The following FSIP2 variants were observed in gnomAD, a reference collection of about 807,000 sequenced individuals.
The protein encoded by FSIP2 is fibrous sheath-interacting protein 2.
A neutral mutation model predicts 510.5 loss-of-function variants in FSIP2; 367 were observed. The observed-to-expected ratio is 0.72, with a 90% CI of 0.66 to 0.78. The LOEUF (loss-of-function observed/expected upper bound fraction) is 0.78, where lower values mean the gene tolerates loss of function less well. FSIP2 is among the 30% of genes least tolerant of loss of function. FSIP2 has a pLI of 0.00. For synonymous variants in FSIP2, 2,601 were observed against 2,732.2 expected (o/e 0.95, Z 1.50); for missense variants, 7,594 against 7,901.7 (o/e 0.96, Z 1.48).
At position 185,789,372 on chromosome 2, in the gene FSIP2, C is replaced by T. The variant is rs1430639919; in HGVS notation, c.2236C>T (p.Leu746Phe). 14 of 1,534,894 alleles carry T rather than the reference C, an allele frequency of 9.1e-6. No homozygotes were observed. Among genetic ancestry groups the T allele is most frequent in the Non-Finnish European group, 1.2e-5 (14 of 1,145,980 alleles). Residue 746 changes from leucine to phenylalanine, a missense_variant, in exon 16 of 23, where the codon CTT becomes TTT. Physicochemically the swap from Leu to Phe is conservative, Grantham distance 22. Transcript: ENST00000424728. ...EQCEREKEIL[L>F]SNAHIPSVAS... ...ATGTGAACGTGAAAAAGAAATCTTG[C>T]TTTCCAATGCTCATATTCCCTCAGT...
intron 13 of FSIP2, 198 bp downstream of exon 13, chr2:185,764,763 G>A (rs1363184882): frequency 2.4e-5 from 12 of 493,668 alleles, no homozygotes; most frequent in Non-Finnish European, 4.0e-5. Context: ...AGCAATAAAG[G>A]AAGTGGGTAT....
At chr2:185,786,332 A>G (rs1465592313) in intron 15 of FSIP2, 44 bp downstream of exon 15, 7 of 1,248,682 alleles carry the variant, frequency 5.6e-6, no homozygotes, top group African/African-American at 1.5e-5. Context: ...TATTAGTCAT[A>G]CTTTCTGATG....
rs1693477048 is a variant in FSIP2, at chr2:185,803,070, T to C, written c.13764T>C (p.His4588=). 1 of 1,514,898 alleles carries C rather than the reference T, an allele frequency of 6.6e-7. No homozygotes were observed. 93.8% of individuals were successfully genotyped at this position (1,514,898 alleles called of 1,614,324 possible). A position where few individuals can be genotyped will look rare whatever the true frequency, so the allele number is the denominator to read the frequency against. ...GFIIKHICQK[H]LQPFVSGKSL... Reference sequence around the variant, plus strand: ...TCATTAAACATATCTGTCAAAAACATCTTCAGCCATTTGTGAGTGGAAAAT... The same window carrying C: ...TCATTAAACATATCTGTCAAAAACACCTTCAGCCATTTGTGAGTGGAAAAT... Residue 4588 remains histidine, a synonymous_variant, in exon 17 of 23, where the codon CAT becomes CAC. Transcript: ENST00000424728.
intron 13 of FSIP2, among the ~76,000 whole-genome samples, chr2:185,772,411 C>T (rs374382470): frequency 3.3e-5 from 5 of 152,232 alleles, no homozygotes; most frequent in East Asian, 1.9e-4. Context: ...ATTTTTCTCA[C>T]GGTTCTGCAT....
chr2:185,773,968 T>C (rs1465548238), intron 13 of FSIP2, among the ~76,000 whole-genome samples: 4 of 152,234 alleles, frequency 2.6e-5, no homozygotes, highest in Non-Finnish European at 5.9e-5. Context: ...ACATATAATG[T>C]CAATTTTACT....
rs1234923368 is a variant in FSIP2 at position 185,808,219 on chromosome 2, G to C, written c.18913G>C (p.Glu6305Gln). 1 of 1,609,164 alleles carries C rather than the reference G, an allele frequency of 6.2e-7. No individual in the cohort carries two copies. Among genetic ancestry groups the C allele is most frequent in the Admixed American group, 1.7e-5 (1 of 59,082 alleles). Residue 6305 changes from glutamate to glutamine, a missense_variant, in exon 17 of 23, where the codon GAA becomes CAA. Coordinates refer to ENST00000424728, the MANE Select transcript of FSIP2 (RefSeq NM_173651.4). ...TGAATTTCAACCTCAAGTAGAGGAA[G>C]AAGTATCAAATTCAGAATTAGTTCT... Reference protein sequence around the residue: ...NSEFQPQVEEEVSNSELVLEA... With the variant: ...NSEFQPQVEEQVSNSELVLEA...
At chr2:185,769,519 T>C (rs1413059033) in intron 13 of FSIP2, among the ~76,000 whole-genome samples, 3 of 152,210 alleles carry the variant, frequency 2.0e-5, no homozygotes, top group African/African-American at 7.2e-5. Context: ...TGCTGAATAT[T>C]AGACTCTTGC....
intron 7 of FSIP2, among the ~76,000 whole-genome samples, chr2:185,748,271 T>A (rs1415520820): frequency 1.3e-5 from 2 of 151,880 alleles, no homozygotes; most frequent in Admixed American, 6.6e-5. Flanking sequence ...ATTTTTCTTC[T>A]TTCTTTTTTG....
chr2:185,802,184 A>C lies in FSIP2; in HGVS notation c.12878A>C (p.His4293Pro). ...GTTCTGAGTGAAGTGATAGAGTCAC[A>C]CAGACCTCAGAAGCAATCACCTTTA... ...TQVLSEVIES[H>P]RPQKQSPLDI... The change falls in exon 17 of 23, where the codon CAC (histidine) becomes CCC (proline). Residue 4293 changes from histidine to proline, a missense_variant. His to Pro is a moderately conservative substitution (Grantham distance 77). Transcript: ENST00000424728. 2.6e-6 allele frequency: 4 copies of C among 1,533,460 alleles called. No individual in the cohort carries two copies. In the Middle Eastern group the frequency reaches 6.7e-4, roughly 257 times the overall value. The allele number at this position is 1,533,460 out of a possible 1,614,324, so 95.0% of individuals were successfully genotyped here.
chr2:185,801,609 A>C lies in FSIP2; in HGVS notation c.12303A>C (p.Ile4101=). 6.5e-7 allele frequency: 1 copy of C among 1,533,192 alleles called. No homozygotes were observed. Among genetic ancestry groups the C allele is most frequent in the Non-Finnish European group, 8.7e-7 (1 of 1,145,228 alleles). 95.0% of individuals were successfully genotyped at this position (1,533,192 alleles called of 1,614,324 possible). A position where few individuals can be genotyped will look rare whatever the true frequency, so the allele number is the denominator to read the frequency against. The change falls in exon 17 of 23, where the codon ATA becomes ATC. Residue 4101 remains isoleucine, a synonymous_variant. Transcript: ENST00000424728. Reference sequence around the variant, plus strand: ...CATCTTGCTTCAAGGAACATCTCATACCCCATTCATATTACCCTCTCAAAC... The same window carrying C: ...CATCTTGCTTCAAGGAACATCTCATCCCCCATTCATATTACCCTCTCAAAC... The part of the protein sequence containing the change: ...KLPSCFKEHL[I]PHSYYPLKPE...
chr2:185,768,465 ATTC>A (rs1191038820), intron 13 of FSIP2, among the ~76,000 whole-genome samples: 1 of 152,054 alleles, frequency 6.6e-6, no homozygotes, highest in Non-Finnish European at 1.5e-5. Flanking sequence ...GTCCAATTTA[ATTC>A]TTCTGCCTGT....
upstream of FSIP2, chr2:185,738,393 TAGGA>T: frequency 1.8e-6 from 1 of 553,940 alleles, no homozygotes; most frequent in East Asian, 3.2e-5. Context: ...ATGAGCCCCT[TAGGA>T]AGCCAACGCG....
intron 13 of FSIP2, among the ~76,000 whole-genome samples, chr2:185,768,086 A>T (rs1481120779): frequency 6.6e-6 from 1 of 152,042 alleles, no homozygotes; most frequent in Non-Finnish European, 1.5e-5. Context: ...GTGGTATATC[A>T]TTATGGTTTT....
chr2:185,759,454 AATTAT>A (rs1458916355), intron 9 of FSIP2, among the ~76,000 whole-genome samples: 14 of 145,754 alleles, frequency 9.6e-5, no homozygotes, highest in South Asian at 4.2e-4. Context: ...TATTTATTAA[AATTAT>A]ATTATACAGA....
chr2:185,785,609 T>C (rs1305563038), intron 14 of FSIP2, among the ~76,000 whole-genome samples: 1 of 152,040 alleles, frequency 6.6e-6, no homozygotes, highest in Non-Finnish European at 1.5e-5. Context: ...AGCTATTCTT[T>C]TTTGCAATTT....
At chr2:185,821,006 C>A (rs1693906022) in intron 19 of FSIP2, among the ~76,000 whole-genome samples, 3 of 52,496 alleles carry the variant, frequency 5.7e-5, no homozygotes, top group South Asian at 9.1e-4. Flanking sequence ...AGAGTTGGTT[C>A]GTTAAAAAAA....
In FSIP2 at chr2:185,806,104, C is replaced by A. The variant is rs1226050146; in HGVS notation, c.16798C>A (p.Leu5600Ile). Reference sequence around the variant, plus strand: ...TGATACAGAATATGAGAAGGAAGTACTTGGATCAGATTCTGAAATAGGCTA... The same window carrying A: ...TGATACAGAATATGAGAAGGAAGTAATTGGATCAGATTCTGAAATAGGCTA... ...IDDTEYEKEV[L>I]GSDSEIGYKK... is the part of the protein sequence containing the mutation. Residue 5600 changes from leucine (L) to isoleucine (I), a missense_variant, in exon 17 of 23, where the codon CTT becomes ATT. Transcript: ENST00000424728. The A allele has an allele frequency of 1.3e-6, 2 of 1,576,190 alleles. No homozygotes were observed. The highest frequency in any genetic ancestry group is 1.2e-5 in the South Asian group (1 of 83,354).
rs768559130 is a variant in FSIP2 at position 185,796,299 on chromosome 2, T to A, written c.9163T>A (p.Ser3055Thr). The change falls in exon 16 of 23, where the codon TCA (serine) becomes ACA (threonine). Residue 3055 changes from serine to threonine, a missense_variant. By Grantham distance (58) the Ser-to-Thr change is moderately conservative. Transcript: ENST00000424728. ...GAAAATGTTTTCTGATAAATCCGAG[T>A]CAAATACTATTAATTTCAAGGAAAA... ...PLKMFSDKSE[S>T]NTINFKENIQ... 6.5e-7 allele frequency: 1 copy of A among 1,533,372 alleles called. No individual in the cohort carries two copies. The highest frequency in any genetic ancestry group is 1.4e-5 in the African/African-American group (1 of 72,936). The allele number at this position is 1,533,372 out of a possible 1,614,324, so 95.0% of individuals were successfully genotyped here.
intron 13 of FSIP2, among the ~76,000 whole-genome samples, chr2:185,768,649 C>A (rs970089733): frequency 6.6e-6 from 1 of 151,880 alleles, no homozygotes; most frequent in Non-Finnish European, 1.5e-5. Context: ...TTATTTTAGG[C>A]TGAGTCATAC....
Sources: allele counts gnomAD v4.1 joint callset (sites outside exome capture counted in the v4.1 genomes callset), GRCh38; gene constraint gnomAD v4.1.1; transcripts MANE v1.5; gene names NCBI Gene and HGNC (gene_info 2026-07-23, HGNC 2026-07-21).